The following ADAMTS3 variants were observed in gnomAD, a reference collection of about 807,000 sequenced individuals.
ADAMTS3 encodes the protein A disintegrin and metalloproteinase with thrombospondin motifs 3.
In ADAMTS3, 73 loss-of-function variants were observed where a neutral mutation model predicts 129.0. That is an observed-to-expected ratio of 0.57 (90% confidence interval 0.47 to 0.69). The LOEUF is 0.69. Ranked by LOEUF, ADAMTS3 falls within the 30% of genes least tolerant of loss-of-function variation. ADAMTS3 has a pLI of 0.00. For missense variants in ADAMTS3, 1,457 were observed against 1,514.5 expected (o/e 0.96, Z 0.63); for synonymous variants, 477 against 510.8 (o/e 0.93, Z 0.89).
At chr4:72,527,285 G>C (rs1368534498) in intron 3 of ADAMTS3, among the ~76,000 whole-genome samples, 1 of 152,008 alleles carries the variant, frequency 6.6e-6, no homozygotes, top group Non-Finnish European at 1.5e-5. Flanking sequence ...AACCTTCCTT[G>C]ACCCTTAGCC....
intron 3 of ADAMTS3, among the ~76,000 whole-genome samples, chr4:72,485,367 T>C (rs1340909885): frequency 1.3e-5 from 2 of 152,214 alleles, no homozygotes; most frequent in East Asian, 1.9e-4. Context: ...TGTCAAGTAA[T>C]GATTTTAGAA....
At chr4:72,402,183 T>C (rs1721941877) in intron 4 of ADAMTS3, among the ~76,000 whole-genome samples, 1 of 152,202 alleles carries the variant, frequency 6.6e-6, no homozygotes, top group Non-Finnish European at 1.5e-5. Context: ...AGTCATTGTA[T>C]CTTGAATCAA....
At chr4:72,548,916 T>C in intron 2 of ADAMTS3, 32 bp from the exon 3 acceptor site, 3 of 1,579,058 alleles carry the variant, frequency 1.9e-6, no homozygotes, top group Non-Finnish European at 2.6e-6. Flanking sequence ...TGTCAAACCC[T>C]GTACAATAAG....
intron 4 of ADAMTS3, among the ~76,000 whole-genome samples, chr4:72,403,887 CTT>C (rs1721987539): frequency 6.6e-6 from 1 of 151,962 alleles, no homozygotes; most frequent in Non-Finnish European, 1.5e-5. Context: ...TTCTCCCTGA[CTT>C]TGTGTGTAGA....
chr4:72,564,335 GAGCA>G (rs1423473494), intron 2 of ADAMTS3, among the ~76,000 whole-genome samples: 1 of 152,106 alleles, frequency 6.6e-6, no homozygotes, highest in Non-Finnish European at 1.5e-5. Flanking sequence ...ATGTGTCATT[GAGCA>G]AGCCTCCTTA....
chr4:72,452,893 A>T (rs1159428824), intron 3 of ADAMTS3, among the ~76,000 whole-genome samples: 2 of 151,764 alleles, frequency 1.3e-5, no homozygotes, highest in African/African-American at 4.8e-5. Flanking sequence ...CTCTGAAGGG[A>T]TGTATCGGAG....
chr4:72,472,812 A>G (rs1423467346), intron 3 of ADAMTS3, among the ~76,000 whole-genome samples: 1 of 152,202 alleles, frequency 6.6e-6, no homozygotes, highest in African/African-American at 2.4e-5. Flanking sequence ...TGACAATTGT[A>G]GAATGGCTTA....
At chr4:72,299,103 A>C (rs1255010108) in intron 17 of ADAMTS3, among the ~76,000 whole-genome samples, 2 of 142,096 alleles carry the variant, frequency 1.4e-5, no homozygotes, top group African/African-American at 5.7e-5. Flanking sequence ...GTGTGTGTAC[A>C]GACATATTTA....
At position 72,456,871 on chromosome 4, in the gene ADAMTS3, A is replaced by C. The variant is rs138021964; in HGVS notation, c.505-41900T>G. The stretch of plus-strand genomic sequence containing the variant: ...TATAGTGCCCCAAGCCAACACAGGG[A>C]GGGACTACAAAGGATTAAAAGACAA... On this transcript the variant is annotated intron_variant, in intron 3 of 21. Transcript: ENST00000286657. 2.0e-3 allele frequency among the ~76,000 whole-genome samples: 297 copies of C among 151,714 alleles called. 1 individual carries two copies. Among genetic ancestry groups the C allele is most frequent in the African/African-American group, 6.9e-3 (286 of 41,464 alleles).
chr4:72,346,914 G>A (rs997768910), intron 4 of ADAMTS3, among the ~76,000 whole-genome samples: 1 of 152,070 alleles, frequency 6.6e-6, no homozygotes, highest in African/African-American at 2.4e-5. Context: ...CACCTGGCAT[G>A]GCCAAGTAGC....
At chr4:72,347,554 T>C (rs964361398) in intron 4 of ADAMTS3, among the ~76,000 whole-genome samples, 1 of 152,066 alleles carries the variant, frequency 6.6e-6, no homozygotes, top group South Asian at 2.1e-4. Flanking sequence ...TACTAGTGAT[T>C]TGTTTCTTAA....
Position 72,313,708 on chromosome 4 carries a change from G to A in ADAMTS3, c.1714C>T (p.Arg572Cys), listed in dbSNP as rs150168072. 2.3e-4 allele frequency: 370 copies of A among 1,613,586 alleles called. No individual in the cohort carries two copies. The highest frequency in any genetic ancestry group is 2.9e-4 in the Non-Finnish European group (340 of 1,179,788). ...TTATTGCACTGGCGTGTTCTGAAAC[G>A]AACACCAGTTCCACATGTCCGAGAA... is the stretch of plus-strand genomic sequence containing the variant. ...SCSRTCGTGV[R>C]FRTRQCNNPM... The change falls in exon 12 of 22, where the codon CGT (arginine) becomes TGT (cysteine). Residue 572 changes from arginine (R) to cysteine (C), a missense_variant. Transcript: ENST00000286657.
At chr4:72,539,395 G>A (rs764918393) in intron 3 of ADAMTS3, among the ~76,000 whole-genome samples, 3 of 142,574 alleles carry the variant, frequency 2.1e-5, no homozygotes, top group Non-Finnish European at 4.5e-5. Context: ...ACAGGCACAC[G>A]AAGAGATGTT....
rs1719014337 is a variant in ADAMTS3, at chr4:72,303,822, A to C, written c.2424+95T>G. Reference sequence around the variant, plus strand: ...AAAGCAACTCATGTTTCAAAGTTCAAAGTACACTTAATGTTCAAGGTAAAA... The same window carrying C: ...AAAGCAACTCATGTTTCAAAGTTCACAGTACACTTAATGTTCAAGGTAAAA... On this transcript the variant is annotated intron_variant, in intron 17 of 21. Coordinates refer to ENST00000286657, the MANE Select transcript of ADAMTS3 (RefSeq NM_014243.3). 3 of 1,306,414 alleles carry C rather than the reference A, an allele frequency of 2.3e-6. No homozygotes were observed. The Admixed American group carries it at 6.5e-5, about 28-fold the overall frequency. 80.9% of individuals were successfully genotyped at this position (1,306,414 alleles called of 1,614,324 possible).
At chr4:72,340,551 T>A (rs189930550) in intron 4 of ADAMTS3, among the ~76,000 whole-genome samples, 1 of 152,164 alleles carries the variant, frequency 6.6e-6, no homozygotes, top group East Asian at 1.9e-4. Context: ...AGTCAGAAAA[T>A]AACTTTTATT....
chr4:72,343,154 G>T (rs554325137), intron 4 of ADAMTS3, among the ~76,000 whole-genome samples: 2 of 152,164 alleles, frequency 1.3e-5, no homozygotes, highest in African/African-American at 4.8e-5. Context: ...CTGGGAAGCT[G>T]GCCATCCCAC....
chr4:72,369,402 T>A (rs944644857), intron 4 of ADAMTS3, among the ~76,000 whole-genome samples: 1 of 152,026 alleles, frequency 6.6e-6, no homozygotes, highest in African/African-American at 2.4e-5. Flanking sequence ...GCAATGCTCC[T>A]CTTATAACAA....
intron 3 of ADAMTS3, among the ~76,000 whole-genome samples, chr4:72,528,852 T>A (rs1199553839): frequency 6.6e-6 from 1 of 152,220 alleles, no homozygotes; most frequent in African/African-American, 2.4e-5. Context: ...GAGTACACAC[T>A]CTACGCCAAG....
intron 4 of ADAMTS3, among the ~76,000 whole-genome samples, chr4:72,351,952 A>C (rs73824537): frequency 0.079 from 12,043 of 151,914 alleles, 1,590 homozygotes; most frequent in African/African-American, 0.27. Context: ...CATTGTTGGC[A>C]ATTTCTCAAA....
Sources: allele counts gnomAD v4.1 joint callset (sites outside exome capture counted in the v4.1 genomes callset), GRCh38; gene constraint gnomAD v4.1.1; transcripts MANE v1.5; gene names NCBI Gene and HGNC (gene_info 2026-07-23, HGNC 2026-07-21).